SCAPER: variants seen among roughly 807,000 people sequenced by gnomAD.
SCAPER encodes the protein S-phase cyclin A associated protein in the ER.
SCAPER carries 98 observed loss-of-function variants against 182.2 expected under a neutral mutation model. The ratio of observed to expected loss-of-function variants is 0.54; its 90% confidence interval spans 0.46 to 0.64. The LOEUF is 0.64. Ranked by LOEUF, SCAPER falls within the 30% of genes least tolerant of loss-of-function variation. The probability of loss-of-function intolerance (pLI) is 0.00; values close to 1 mark genes in which losing one functional copy is unlikely to be tolerated. For missense variants in SCAPER, 1,432 were observed against 1,690.0 expected (o/e 0.85, Z 2.68); for synonymous variants, 605 against 564.6 (o/e 1.07, Z -1.01).
rs149278798 is a variant in SCAPER, at chr15:76,367,155, C to T, written c.3855+9007G>A. Among the ~76,000 whole-genome samples, 168 of 152,298 alleles carry T rather than the reference C, an allele frequency of 1.1e-3. 2 individuals are homozygous for T. In the East Asian group the frequency reaches 0.03, roughly 27 times the overall value. On this transcript the variant is annotated intron_variant, in intron 29 of 31. Coordinates refer to ENST00000563290, the MANE Select transcript of SCAPER (RefSeq NM_020843.4). ...CACCCAGGCTAACTCTTTATACAGA[C>T]AGGAAACTAAAGCTCAGAGAAGGGC...
chr15:76,520,806 T>C (rs992523760), intron 23 of SCAPER, among the ~76,000 whole-genome samples: 3 of 152,238 alleles, frequency 2.0e-5, no homozygotes, highest in Non-Finnish European at 4.4e-5. Context: ...CAAACCCAGA[T>C]ATGTCTGACT....
chr15:76,808,873 C>A (rs1435002298), intron 5 of SCAPER, among the ~76,000 whole-genome samples: 1 of 152,212 alleles, frequency 6.6e-6, no homozygotes, highest in African/African-American at 2.4e-5. Context: ...ACTGCAGATC[C>A]TCTCCCCAGC....
At chr15:76,520,543 C>T (rs903593476) in intron 23 of SCAPER, among the ~76,000 whole-genome samples, 1 of 152,044 alleles carries the variant, frequency 6.6e-6, no homozygotes, top group African/African-American at 2.4e-5. Flanking sequence ...ACTGCTGTTT[C>T]CCATGTGCTT....
At chr15:76,443,925 G>A (rs1196223262) in intron 25 of SCAPER, among the ~76,000 whole-genome samples, 1 of 152,216 alleles carries the variant, frequency 6.6e-6, no homozygotes, top group Non-Finnish European at 1.5e-5. Context: ...AGCAAATGCG[G>A]ACCAGTCAAG....
At chr15:76,486,464 A>G (rs2051659971) in intron 24 of SCAPER, among the ~76,000 whole-genome samples, 4 of 152,130 alleles carry the variant, frequency 2.6e-5, no homozygotes, top group Admixed American at 2.6e-4. Flanking sequence ...AAACTATGTA[A>G]CCGAAAAGGT....
At chr15:76,396,921 C>T (rs1034871887) in intron 27 of SCAPER, among the ~76,000 whole-genome samples, 4 of 151,452 alleles carry the variant, frequency 2.6e-5, no homozygotes, top group African/African-American at 9.7e-5. Context: ...CATTTTTCCT[C>T]ATTCAGTATG....
At chr15:76,351,134 T>G in intron 31 of SCAPER, 103 bp downstream of exon 31, 1 of 896,060 alleles carries the variant, frequency 1.1e-6, no homozygotes, top group Non-Finnish European at 1.6e-6. Flanking sequence ...TTTTAGGTTA[T>G]GTATAAAATT....
At chr15:76,806,563 T>C (rs931660691) in intron 5 of SCAPER, among the ~76,000 whole-genome samples, 3 of 152,148 alleles carry the variant, frequency 2.0e-5, no homozygotes, top group Admixed American at 1.3e-4. Context: ...ACTTGTCCAT[T>C]TCTGCCAAAA....
chr15:76,454,393 A>G (rs972569289), intron 25 of SCAPER, among the ~76,000 whole-genome samples: 1 of 152,156 alleles, frequency 6.6e-6, no homozygotes, highest in Non-Finnish European at 1.5e-5. Context: ...GTAAAATTTA[A>G]ATAATTTAAC....
At chr15:76,695,892 G>A (rs1188925170) in intron 20 of SCAPER, among the ~76,000 whole-genome samples, 1 of 152,096 alleles carries the variant, frequency 6.6e-6, no homozygotes, top group African/African-American at 2.4e-5. Context: ...GTCAATGGAA[G>A]CTATGCCTTA....
chr15:76,888,025 C>T (rs1433021786), intron 1 of SCAPER, among the ~76,000 whole-genome samples: 1 of 152,156 alleles, frequency 6.6e-6, no homozygotes, highest in Non-Finnish European at 1.5e-5. Context: ...CTGGTGATAC[C>T]CAGGCAAACA....
intron 21 of SCAPER, among the ~76,000 whole-genome samples, chr15:76,638,853 G>C (rs2053861959): frequency 6.6e-6 from 1 of 152,110 alleles, no homozygotes; most frequent in Non-Finnish European, 1.5e-5. Flanking sequence ...TTTAATATGT[G>C]ATAAGCACTT....
chr15:76,647,585 G>A (rs1489901752), intron 21 of SCAPER, among the ~76,000 whole-genome samples: 1 of 152,204 alleles, frequency 6.6e-6, no homozygotes, highest in Non-Finnish European at 1.5e-5. Flanking sequence ...TTGTGGGGCA[G>A]AGTAGCAGAG....
chr15:76,568,756 CA>C (rs1470762873), intron 23 of SCAPER, among the ~76,000 whole-genome samples: 1 of 151,954 alleles, frequency 6.6e-6, no homozygotes, highest in African/African-American at 2.4e-5. Flanking sequence ...TTCCAAAGAA[CA>C]AAGTGTTGGA....
intron 8 of SCAPER, among the ~76,000 whole-genome samples, chr15:76,783,195 G>C (rs2064294263): frequency 6.6e-6 from 1 of 152,120 alleles, no homozygotes; most frequent in Admixed American, 6.5e-5. Context: ...AAATGATAAA[G>C]GGGATATCAC....
chr15:76,746,010 C>G (rs937204999), intron 15 of SCAPER, among the ~76,000 whole-genome samples: 2 of 152,162 alleles, frequency 1.3e-5, no homozygotes, highest in African/African-American at 4.8e-5. Flanking sequence ...TACCCTTGCA[C>G]TTTAAACAAC....
chr15:76,553,385 C>T (rs573898988), intron 23 of SCAPER, among the ~76,000 whole-genome samples: 4 of 152,308 alleles, frequency 2.6e-5, no homozygotes, highest in East Asian at 1.9e-4. Flanking sequence ...ATGGCCAACA[C>T]GTGGACACCC....
chr15:76,849,993 G>C (rs76803656), intron 4 of SCAPER, among the ~76,000 whole-genome samples: 1 of 152,084 alleles, frequency 6.6e-6, no homozygotes, highest in Admixed American at 6.5e-5. Context: ...TCACTATCAC[G>C]AGAACAGCAT....
intron 8 of SCAPER, among the ~76,000 whole-genome samples, chr15:76,791,724 A>G (rs995062066): frequency 2.0e-5 from 3 of 152,120 alleles, no homozygotes; most frequent in Non-Finnish European, 2.9e-5. Flanking sequence ...CTGAGAAGCT[A>G]ATGAGCTAAG....
Sources: gnomAD v4.1 joint callset for allele counts (sites outside exome capture counted in the v4.1 genomes callset) on GRCh38, gnomAD v4.1.1 for gene constraint, MANE v1.5 for transcripts, NCBI Gene and HGNC (gene_info 2026-07-23, HGNC 2026-07-21) for gene names.